The following LMNA variants were observed in gnomAD, a reference collection of about 807,000 sequenced individuals.
The protein encoded by LMNA is lamin A/C.
In LMNA, 20 loss-of-function variants were observed where a neutral mutation model predicts 70.4. The observed-to-expected ratio is 0.28, with a 90% CI of 0.20 to 0.41. The LOEUF (loss-of-function observed/expected upper bound fraction) is 0.41. Ranked by LOEUF, LMNA falls within the 10% of genes least tolerant of loss-of-function variation. The pLI, the probability that LMNA is intolerant of heterozygous loss-of-function variation, is 1.00. For missense variants in LMNA, 652 were observed against 917.2 expected, an observed-to-expected ratio of 0.71 and a Z score of 3.73; for synonymous variants, 339 against 372.8, an observed-to-expected ratio of 0.91 and a Z score of 1.04.
intron 1 of LMNA, among the ~76,000 whole-genome samples, chr1:156,129,369 T>G (rs564066622): frequency 6.6e-6 from 1 of 152,308 alleles, no homozygotes; most frequent in South Asian, 2.1e-4. Flanking sequence ...CTCCAGAGCT[T>G]CTGCAAATCT....
At chr1:156,110,650 A>AC (rs59729272), upstream of LMNA, among the ~76,000 whole-genome samples, 37,133 of 151,744 alleles carry the variant, frequency 0.24, 4,661 homozygotes, top group African/African-American at 0.3. Flanking sequence ...TTCAAGACCA[A>AC]CTTGGCAACA....
intron 1 of LMNA, among the ~76,000 whole-genome samples, chr1:156,116,140 G>T (rs912278924): frequency 6.6e-6 from 1 of 152,190 alleles, no homozygotes; most frequent in Admixed American, 6.5e-5. Flanking sequence ...GTCTTCGAGG[G>T]TTGGGGGCAC....
At chr1:156,116,691 A>C (rs1286730549) in intron 1 of LMNA, among the ~76,000 whole-genome samples, 3 of 152,092 alleles carry the variant, frequency 2.0e-5, no homozygotes, top group Non-Finnish European at 4.4e-5. Flanking sequence ...CAGCCTCCCG[A>C]ATAGCTGAGA....
At position 156,107,689 on chromosome 1, in the gene LMNA, G is replaced by A. The variant is rs186464442; in HGVS notation, c.-206-7024G>A. On this transcript the variant is annotated intron_variant, in intron 3 of 12. Coordinates refer to the LMNA transcript ENST00000368301. ...CCATCTAAGGGCCCGCTTCTCACCC[G>A]GCACCACCTATGAGCCTGCCTCATT... Among the ~76,000 whole-genome samples the A allele has an allele frequency of 9.3e-4, 141 of 152,266 alleles. 1 individual carries two copies. Among genetic ancestry groups the A allele is most frequent in the African/African-American group, 3.1e-3 (128 of 41,558 alleles).
At chr1:156,111,123 C>G (rs980614518), upstream of LMNA, among the ~76,000 whole-genome samples, 23 of 151,862 alleles carry the variant, frequency 1.5e-4, no homozygotes, top group African/African-American at 5.1e-4. Context: ...CACAGAGGAG[C>G]CCCCCCACCC....
At chr1:156,107,641 C>CAA (rs552482704) in intron 3 of LMNA, among the ~76,000 whole-genome samples, 61 of 152,208 alleles carry the variant, frequency 4.0e-4, no homozygotes, top group African/African-American at 1.4e-3. Flanking sequence ...TCTGACTTTA[C>CAA]AAATAGCTGT....
rs1195284382 is a variant in LMNA, at chr1:156,137,741, C to G, written c.1696C>G (p.His566Asp). 1.3e-6 allele frequency: 2 copies of G among 1,549,952 alleles called. No individual in the cohort carries two copies. Among genetic ancestry groups the G allele is most frequent in the Non-Finnish European group, 1.7e-6 (2 of 1,147,180 alleles). The change falls in exon 10 of 12, where the codon CAC (histidine) becomes GAC (aspartate). Residue 566 changes from histidine to aspartate, a missense_variant and splice_region_variant. His to Asp is a moderately conservative substitution (Grantham distance 81). Transcript: ENST00000368300. This position sits in a 1 kb window ranked among gnomAD's most constrained non-coding sequence, Gnocchi z 4.6. The stretch of plus-strand genomic sequence containing the variant: ...TGGAGATGACCTGCTCCATCACCAC[C>G]ACGTGAGTGGTAGCCGCCGCTGAGG... Reference protein sequence around the residue: ...EDGDDLLHHHHGSHCSSSGDP... With the variant: ...EDGDDLLHHHDGSHCSSSGDP...
chr1:156,139,272 C>T lies in LMNA; in HGVS notation c.*166C>T. ...TTTTTCTAAGAGAAGTTATTTTCTACAGTGGTTTTATACTGAAGGAAAAAC... is the reference window on the plus strand; with the variant it reads ...TTTTTCTAAGAGAAGTTATTTTCTATAGTGGTTTTATACTGAAGGAAAAAC... On this transcript the variant is annotated 3_prime_UTR_variant, in exon 12 of 12. Coordinates refer to ENST00000368300, the MANE Select transcript of LMNA (RefSeq NM_170707.4). The T allele has an allele frequency of 7.0e-7, 1 of 1,428,740 alleles. No homozygotes were observed. The highest frequency in any genetic ancestry group is 2.5e-5 in the East Asian group (1 of 39,348). 88.5% of individuals were successfully genotyped at this position (1,428,740 alleles called of 1,614,324 possible).
intron 3 of LMNA, among the ~76,000 whole-genome samples, chr1:156,098,986 T>A (rs1426093593): frequency 2.6e-5 from 4 of 152,140 alleles, no homozygotes; most frequent in African/African-American, 9.7e-5. Flanking sequence ...GGCTTTCTAA[T>A]CGGGCTTAAT....
At position 156,136,265 on chromosome 1, in the gene LMNA, C is replaced by G; in HGVS notation, c.1209C>G (p.Ser403=). 1.9e-6 allele frequency: 3 copies of G among 1,612,080 alleles called. No individual in the cohort carries two copies. Among genetic ancestry groups the G allele is most frequent in the Non-Finnish European group, 2.5e-6 (3 of 1,180,028 alleles). The change falls in exon 7 of 12, where the codon TCC becomes TCG. Residue 403 remains serine, a synonymous_variant. Coordinates refer to ENST00000368300, the MANE Select transcript of LMNA (RefSeq NM_170707.4). This position sits in a 1 kb window ranked among gnomAD's most constrained non-coding sequence, Gnocchi z 6.1. ...CGCAGCGCAGCCGTGGCCGTGCTTC[C>G]TCTCACTCATCCCAGACACAGGGTG... The part of the protein sequence containing the change: ...PTSQRSRGRA[S]SHSSQTQGGG...
At position 156,138,563 on chromosome 1, in the gene LMNA, G is replaced by A. The variant is rs786205448; in HGVS notation, c.1774G>A (p.Gly592Arg). ...GCGCACCGTGCTGTGCGGGACCTGC[G>A]GGCAGCCTGCCGACAAGGCATCTGC... The part of the protein sequence containing the change: ...RSRTVLCGTC[G>R]QPADKASASG... The change falls in exon 11 of 12, where the codon GGG becomes AGG. Residue 592 changes from glycine (G) to arginine (R), a missense_variant. This residue lies in a region of LMNA where 327 missense variants were observed against 387.6 expected (regional missense o/e 0.84). Coordinates refer to ENST00000368300, the MANE Select transcript of LMNA (RefSeq NM_170707.4). This position sits in a 1 kb window ranked among gnomAD's most constrained non-coding sequence, Gnocchi z 5.5. The A allele has an allele frequency of 3.1e-6, 5 of 1,612,426 alleles. No homozygotes were observed. The highest frequency in any genetic ancestry group is 1.3e-5 in the African/African-American group (1 of 74,912).
In LMNA at chr1:156,136,278, C is replaced by G; in HGVS notation, c.1222C>G (p.Gln408Glu). The change falls in exon 7 of 12, where the codon CAG becomes GAG. Residue 408 changes from glutamine (Q) to glutamate (E), a missense_variant. By Grantham distance (29) the Gln-to-Glu change is conservative. Coordinates refer to ENST00000368300, the MANE Select transcript of LMNA (RefSeq NM_170707.4). The surrounding 1 kb of genome is among the most constrained non-coding windows in gnomAD (Gnocchi z 6.1). ...TGGCCGTGCTTCCTCTCACTCATCC[C>G]AGACACAGGGTGGGGGCAGCGTCAC... Reference protein sequence around the residue: ...SRGRASSHSSQTQGGGSVTKK... With the variant: ...SRGRASSHSSETQGGGSVTKK... 2 of 1,612,116 alleles carry G rather than the reference C, an allele frequency of 1.2e-6. No homozygotes were observed. Among genetic ancestry groups the G allele is most frequent in the Non-Finnish European group, 8.5e-7 (1 of 1,180,016 alleles).
Position 156,130,639 on chromosome 1 carries a change from C to G in LMNA, c.379C>G (p.Leu127Val), listed in dbSNP as rs1428192739. Residue 127 changes from leucine to valine, a missense_variant, in exon 2 of 12, where the codon CTG becomes GTG. Physicochemically the swap from Leu to Val is conservative, Grantham distance 32. Transcript: ENST00000368300. ...TAGCAATACCAAGAAGGAGGGTGAC[C>G]TGATAGCTGCTCAGGCTCGGCTGAA... ...KARNTKKEGD[L>V]IAAQARLKDL... is the part of the protein sequence containing the mutation. 1 of 1,614,072 alleles carries G rather than the reference C, an allele frequency of 6.2e-7. No homozygotes were observed.
chr1:156,137,698 G>T lies in LMNA; in HGVS notation c.1653G>T (p.Glu551Asp). The stretch of plus-strand genomic sequence containing the variant: ...TGGTGCGCTCAGTGACTGTGGTTGA[G>T]GACGACGAGGATGAGGATGGAGATG... ...RKLVRSVTVV[E>D]DDEDEDGDDL... Residue 551 changes from glutamate (E) to aspartate (D), a missense_variant, in exon 10 of 12, where the codon GAG (glutamate) becomes GAT (aspartate). By Grantham distance (45) the Glu-to-Asp change is conservative. Coordinates refer to ENST00000368300, the MANE Select transcript of LMNA (RefSeq NM_170707.4). The surrounding 1 kb of genome is among the most constrained non-coding windows in gnomAD (Gnocchi z 4.6). 1 of 1,556,232 alleles carries T rather than the reference G, an allele frequency of 6.4e-7. No individual in the cohort carries two copies.
At chr1:156,085,453 C>T (rs1233131080) in intron 2 of LMNA, among the ~76,000 whole-genome samples, 1 of 152,160 alleles carries the variant, frequency 6.6e-6, no homozygotes, top group African/African-American at 2.4e-5. Flanking sequence ...AACAATACTC[C>T]CCACTCTCTG....
chr1:156,091,338 C>T (rs1458175386), intron 3 of LMNA, among the ~76,000 whole-genome samples: 5 of 152,224 alleles, frequency 3.3e-5, no homozygotes, highest in African/African-American at 1.2e-4. Flanking sequence ...TGCGGTGGCT[C>T]ACCCCTGTAA....
chr1:156,125,818 G>A (rs889859929), intron 1 of LMNA, among the ~76,000 whole-genome samples: 2 of 151,600 alleles, frequency 1.3e-5, no homozygotes, highest in Admixed American at 6.6e-5. Flanking sequence ...GCAAAACTCC[G>A]TCTCTACTAA....
At chr1:156,108,405 G>T (rs1649426289) in intron 3 of LMNA, among the ~76,000 whole-genome samples, 1 of 152,092 alleles carries the variant, frequency 6.6e-6, no homozygotes, top group Non-Finnish European at 1.5e-5. Flanking sequence ...GCCTGTCTCT[G>T]ACTCCTACCT....
At chr1:156,098,913 G>T (rs1649040561) in intron 3 of LMNA, among the ~76,000 whole-genome samples, 1 of 152,220 alleles carries the variant, frequency 6.6e-6, no homozygotes, top group African/African-American at 2.4e-5. Flanking sequence ...GGGGTGGGCA[G>T]CAGGTTCCTG....
Sources: gnomAD v4.1 joint callset for allele counts (sites outside exome capture counted in the v4.1 genomes callset) on GRCh38, gnomAD v4.1.1 for gene constraint, gnomAD v4.1.1 regional missense constraint, Gnocchi (gnomAD v3.1) non-coding constraint, MANE v1.5 for transcripts, NCBI Gene and HGNC (gene_info 2026-07-23, HGNC 2026-07-21) for gene names.